The following NINL variants were observed in gnomAD, a reference collection of about 807,000 sequenced individuals.
NINL encodes ninein-like protein.
A neutral mutation model predicts 160.3 loss-of-function variants in NINL; 153 were observed. The observed-to-expected ratio is 0.95, with a 90% confidence interval of 0.84 to 1.09. NINL has a LOEUF of 1.09. NINL is among the 50% of genes least tolerant of loss of function. The probability of loss-of-function intolerance (pLI) is 0.00; values close to 1 mark genes in which losing one functional copy is unlikely to be tolerated. For synonymous variants in NINL, 800 were observed against 734.8 expected (o/e 1.09, Z -1.43); for missense variants, 1,829 against 1,764.0 (o/e 1.04, Z -0.66).
In NINL at chr20:25,528,936, A is replaced by G. The variant is rs73335400; in HGVS notation, c.-11-2338T>C. 6.5e-3 allele frequency among the ~76,000 whole-genome samples: 991 copies of G among 152,356 alleles called. 16 individuals carry two copies. The highest frequency in any genetic ancestry group is 0.023 in the African/African-American group (949 of 41,584). ...GCACAGCACAGTAAATGCCAGTTCT[A>G]TATAGATGTCGCTTTAATGTGGCGG... On this transcript the variant is annotated intron_variant, in intron 1 of 23. Coordinates refer to ENST00000278886, the MANE Select transcript of NINL (RefSeq NM_025176.6).
rs116519462 is a variant in NINL at position 25,529,542 on chromosome 20, C to T, written c.-11-2944G>A. Among the ~76,000 whole-genome samples, 431 of 152,282 alleles carry T rather than the reference C, an allele frequency of 2.8e-3. 2 individuals carry two copies. Among genetic ancestry groups the T allele is most frequent in the African/African-American group, 9.5e-3 (394 of 41,554 alleles). ...GACAGAGGTTCAGACAGGGCGAAGA[C>T]GAGTGAACTGTGAACATCTGCCTCC... On this transcript the variant is annotated intron_variant, in intron 1 of 23. Coordinates refer to ENST00000278886, the MANE Select transcript of NINL (RefSeq NM_025176.6).
intron 1 of NINL, among the ~76,000 whole-genome samples, chr20:25,527,634 G>GATAT (rs752242596): frequency 6.6e-6 from 1 of 151,228 alleles, no homozygotes; most frequent in African/African-American, 2.4e-5. Flanking sequence ...AATCACAAAA[G>GATAT]ATATATATAT....
intron 1 of NINL, among the ~76,000 whole-genome samples, chr20:25,530,497 G>A (rs1278713040): frequency 1.3e-5 from 2 of 152,056 alleles, no homozygotes; most frequent in Non-Finnish European, 2.9e-5. Context: ...TGTAATCTGA[G>A]GGGCAGGGGA....
Position 25,453,395 on chromosome 20 carries a change from C to T in NINL, c.*56G>A. 1 of 1,492,940 alleles carries T rather than the reference C, an allele frequency of 6.7e-7. No homozygotes were observed. The highest frequency in any genetic ancestry group is 9.1e-7 in the Non-Finnish European group (1 of 1,095,672). 92.5% of individuals were successfully genotyped at this position (1,492,940 alleles called of 1,614,324 possible). ...ATGACCCACGGAATCTAAGGCAGCA[C>T]AGTGGCTTAATTTAAAAGATGTGCT... On this transcript the variant is annotated 3_prime_UTR_variant, in exon 24 of 24. Coordinates refer to ENST00000278886, the MANE Select transcript of NINL (RefSeq NM_025176.6).
In NINL at chr20:25,476,363, C is replaced by CTGTA; in HGVS notation, c.2924_2927dup (p.Gln976HisfsTer83). The CTGTA allele has an allele frequency of 6.2e-7, 1 of 1,611,832 alleles. No homozygotes were observed. On this transcript the variant is annotated frameshift_variant, in exon 17 of 24. Transcript: ENST00000278886. LOFTEE classifies it high-confidence loss of function. ...TTCGTGCTCGCTCTTCCTGAATGGC[C>CTGTA]TGTAGCCTCTCAGCCTGTCCCCTGC...
intron 9 of NINL, among the ~76,000 whole-genome samples, chr20:25,497,489 G>C (rs914697827): frequency 6.6e-6 from 1 of 152,218 alleles, no homozygotes; most frequent in Non-Finnish European, 1.5e-5. Flanking sequence ...GTCTGCACCT[G>C]GACAGATGCA....
chr20:25,503,406 C>T (rs2063904784), intron 7 of NINL, among the ~76,000 whole-genome samples: 1 of 136,914 alleles, frequency 7.3e-6, no homozygotes. Context: ...GCACGTTCCT[C>T]ACCTGAGCAC....
intron 21 of NINL, 119 bp downstream of exon 21, chr20:25,461,403 G>A (rs1388234663): frequency 4.6e-6 from 3 of 652,736 alleles, no homozygotes; most frequent in South Asian, 3.9e-5. Context: ...GGACAGCTGT[G>A]CCCAGCAGCG....
Position 25,503,400 on chromosome 20 carries a change from G to A in NINL, c.861+552C>T, listed in dbSNP as rs1312760315. 4.6e-5 allele frequency among the ~76,000 whole-genome samples: 6 copies of A among 130,454 alleles called. No homozygotes were observed. The East Asian group carries it at 1.4e-3, about 31-fold the overall frequency. The allele number at this position is 130,454 out of a possible 152,430, so 85.6% of individuals were successfully genotyped here. A position where few individuals can be genotyped will look rare whatever the true frequency, so the allele number is the denominator to read the frequency against. Reference sequence around the variant, plus strand: ...CAGGAGGTGGGCACCTGAGCAGCACGTTCCTCACCTGAGCACTGCCTCCTG... The same window carrying A: ...CAGGAGGTGGGCACCTGAGCAGCACATTCCTCACCTGAGCACTGCCTCCTG... On this transcript the variant is annotated intron_variant, in intron 7 of 23. Transcript: ENST00000278886.
chr20:25,563,183 C>A (rs951901908), intron 1 of NINL, among the ~76,000 whole-genome samples: 2 of 152,098 alleles, frequency 1.3e-5, no homozygotes, highest in African/African-American at 4.8e-5. Context: ...CTAAGAGCTA[C>A]ATAAATAGAC....
chr20:25,508,451 G>A (rs1004463090), intron 5 of NINL, among the ~76,000 whole-genome samples: 1 of 152,226 alleles, frequency 6.6e-6, no homozygotes, highest in African/African-American at 2.4e-5. Context: ...CGGCCTGCCT[G>A]GCCTGCAGCC....
intron 1 of NINL, among the ~76,000 whole-genome samples, chr20:25,555,984 T>TAAAAA (rs143658285): frequency 6.9e-6 from 1 of 144,410 alleles, no homozygotes. Context: ...TTATTTTCAA[T>TAAAAA]AAAAAAAAAA....
At chr20:25,490,563 G>GA (rs59001259) in intron 11 of NINL, among the ~76,000 whole-genome samples, 3,594 of 79,660 alleles carry the variant, frequency 0.045, 128 homozygotes, top group African/African-American at 0.11. Flanking sequence ...CCATCTCAAG[G>GA]AAAAAAAAAA....
In NINL at chr20:25,479,054, G is replaced by C; in HGVS notation, c.2070C>G (p.Ile690Met). 1.2e-6 allele frequency: 2 copies of C among 1,612,206 alleles called. No individual in the cohort carries two copies. The highest frequency in any genetic ancestry group is 2.2e-5 in the South Asian group (2 of 91,088). The part of the protein sequence containing the change: ...EELHEKSQEV[I>M]WGLQEQLQDT... The stretch of plus-strand genomic sequence containing the variant: ...CCTGCAGCTGCTCCTGCAGGCCCCA[G>C]ATGACCTCCTGAGACTTCTCGTGGA... The change falls in exon 16 of 24, where the codon ATC becomes ATG. Residue 690 changes from isoleucine to methionine, a missense_variant. Transcript: ENST00000278886.
chr20:25,560,523 G>A (rs1387241939), intron 1 of NINL, among the ~76,000 whole-genome samples: 1 of 152,164 alleles, frequency 6.6e-6, no homozygotes, highest in East Asian at 1.9e-4. Context: ...CTGAGCCAAG[G>A]CCTGGAGCCC....
intron 14 of NINL, 56 bp downstream of exon 14, chr20:25,481,912 G>A: frequency 6.4e-7 from 1 of 1,572,362 alleles, no homozygotes; most frequent in Non-Finnish European, 8.6e-7. Flanking sequence ...CTGGCTCTGG[G>A]CCTTGTTGTC....
At chr20:25,462,755 G>C (rs575766064) in intron 19 of NINL, 11 of 435,480 alleles carry the variant, frequency 2.5e-5, no homozygotes, top group South Asian at 1.6e-4. Context: ...CCTAGGCTCA[G>C]GCGATCCTCC....
intron 1 of NINL, among the ~76,000 whole-genome samples, chr20:25,575,425 C>T (rs534220646): frequency 0.018 from 2,250 of 121,994 alleles, 38 homozygotes; most frequent in Middle Eastern, 0.056. Context: ...CCAGCCTGGG[C>T]AACAGAGCGA....
rs185387789 is a variant in NINL at position 25,551,497 on chromosome 20, T to C, written c.-11-24899A>G. Among the ~76,000 whole-genome samples, 194 of 152,282 alleles carry C rather than the reference T, an allele frequency of 1.3e-3. 1 individual carries two copies. Among genetic ancestry groups the C allele is most frequent in the African/African-American group, 4.5e-3 (187 of 41,548 alleles). On this transcript the variant is annotated intron_variant, in intron 1 of 23. Transcript: ENST00000278886. The stretch of plus-strand genomic sequence containing the variant: ...ATGGTCACTGAGGCAAGTGTCTCTA[T>C]CAGCAGAGGTTTATTGAGCCAAGTC...
Sources: gnomAD v4.1 joint callset for allele counts (sites outside exome capture counted in the v4.1 genomes callset) on GRCh38, gnomAD v4.1.1 for gene constraint, MANE v1.5 for transcripts, NCBI Gene and HGNC (gene_info 2026-07-23, HGNC 2026-07-21) for gene names.